Variants in EOGT observed in about 807,000 individuals in gnomAD.
EOGT encodes the protein EGF domain-specific O-linked N-acetylglucosamine transferase.
A neutral mutation model predicts 70.5 loss-of-function variants in EOGT; 55 were observed. That is an observed-to-expected ratio of 0.78 (90% confidence interval 0.63 to 0.98). The LOEUF is 0.98. EOGT is among the 50% of genes least tolerant of loss of function. The probability of loss-of-function intolerance (pLI) is 0.00; values close to 1 mark genes in which losing one functional copy is unlikely to be tolerated. For synonymous variants in EOGT, 246 were observed against 217.1 expected (o/e 1.13, Z -1.17); for missense variants, 703 against 641.9 (o/e 1.10, Z -1.03).
In EOGT at chr3:68,988,331, T is replaced by C. The variant is rs2107218847; in HGVS notation, c.1047A>G (p.Val349=). ...TGLFRAFAQH[V]LHRLNITQEG... is the part of the protein sequence containing the mutation. ...CTTGTGTGATGTTTAGTCTGTGTAG[T>C]ACATGCTGGGCAAATGCCCTGAATA... The change falls in exon 13 of 18, where the codon GTA becomes GTG. Residue 349 remains valine (V), a synonymous_variant. Transcript: ENST00000383701. The C allele has an allele frequency of 6.5e-7, 1 of 1,536,100 alleles. No homozygotes were observed. Among genetic ancestry groups the C allele is most frequent in the East Asian group, 2.4e-5 (1 of 40,920 alleles).
chr3:68,987,377 A>G (rs1315629723), intron 14 of EOGT, 68 bp downstream of exon 14: 6 of 1,235,158 alleles, frequency 4.9e-6, no homozygotes, highest in Non-Finnish European at 7.0e-6. Context: ...TAATGTGAAA[A>G]AAAAAAAAAC....
At chr3:69,003,037 GGA>G (rs1415011805) in intron 8 of EOGT, among the ~76,000 whole-genome samples, 2 of 152,122 alleles carry the variant, frequency 1.3e-5, no homozygotes, top group Non-Finnish European at 2.9e-5. Context: ...AGGAGTAGCA[GGA>G]GAGTTTCTTT....
At chr3:68,987,786 G>T in intron 13 of EOGT, 1 of 487,278 alleles carries the variant, frequency 2.1e-6, no homozygotes. Context: ...ATGAACATTT[G>T]GGGAGGTGAG....
chr3:68,976,022 C>T lies in EOGT; in HGVS notation c.*1596G>A, dbSNP rs551406233. 1.3e-5 allele frequency: 2 copies of T among 152,188 alleles called. No individual in the cohort carries two copies. Among genetic ancestry groups the T allele is most frequent in the African/African-American group, 4.8e-5 (2 of 41,460 alleles). 9.4% of individuals were successfully genotyped at this position (152,188 alleles called of 1,614,324 possible). On this transcript the variant is annotated 3_prime_UTR_variant, in exon 18 of 18. Coordinates refer to ENST00000383701, the MANE Select transcript of EOGT (RefSeq NM_001278689.2). ...AAGTGTTAATAAAATGTAAACTTCA[C>T]ATTGTGCAGTAAAATAAATCCATGG...
At chr3:68,984,710 G>A (rs904604930) in intron 14 of EOGT, among the ~76,000 whole-genome samples, 2 of 152,082 alleles carry the variant, frequency 1.3e-5, no homozygotes, top group African/African-American at 4.8e-5. Context: ...TCGCCTTTGG[G>A]TGCCATCATC....
At chr3:68,995,272 T>C (rs1449656054) in intron 10 of EOGT, among the ~76,000 whole-genome samples, 1 of 152,128 alleles carries the variant, frequency 6.6e-6, no homozygotes, top group Non-Finnish European at 1.5e-5. Context: ...AACCCTTACT[T>C]AGCGCCATCC....
chr3:69,001,634 G>T lies in EOGT; in HGVS notation c.701C>A (p.Pro234Gln). 6.2e-7 allele frequency: 1 copy of T among 1,608,130 alleles called. No individual in the cohort carries two copies. The highest frequency in any genetic ancestry group is 8.5e-7 in the Non-Finnish European group (1 of 1,176,622). ...DAKCDIVIEKPTYFMKLDAGV... is the reference protein window; with the variant it reads ...DAKCDIVIEKQTYFMKLDAGV... ...TGCATCTAATTTCATGAAATATGTT[G>T]GTTTTTCAATGACAATGTCACATTT... Residue 234 changes from proline (P) to glutamine (Q), a missense_variant, in exon 9 of 18, where the codon CCA becomes CAA. Pro to Gln is a moderately conservative substitution (Grantham distance 76). Transcript: ENST00000383701.
intron 15 of EOGT, among the ~76,000 whole-genome samples, chr3:68,981,259 C>T (rs755561793): frequency 4.6e-5 from 7 of 152,202 alleles, no homozygotes; most frequent in Non-Finnish European, 8.8e-5. Flanking sequence ...AAGACCAGGG[C>T]TATGCCATCC....
At chr3:69,001,090 G>T (rs1045967633) in intron 9 of EOGT, among the ~76,000 whole-genome samples, 1 of 151,980 alleles carries the variant, frequency 6.6e-6, no homozygotes, top group East Asian at 1.9e-4. Flanking sequence ...CCGAGTAGCT[G>T]GGACTATAGG....
At chr3:69,003,050 G>C (rs2091341460) in intron 8 of EOGT, among the ~76,000 whole-genome samples, 1 of 152,016 alleles carries the variant, frequency 6.6e-6, no homozygotes, top group African/African-American at 2.4e-5. Context: ...GAGTTTCTTT[G>C]GGATGATGGA....
At chr3:68,988,425 A>G (rs1409908484) in intron 12 of EOGT, 44 bp from the exon 13 acceptor site, 2 of 1,495,310 alleles carry the variant, frequency 1.3e-6, no homozygotes, top group Non-Finnish European at 1.8e-6. Flanking sequence ...ATACTTCTGT[A>G]TTATAATTTA....
rs1378760404 is a variant in EOGT, at chr3:68,988,316, G to A, written c.1062C>T (p.Asn354=). ...AFAQHVLHRL[N]ITQEGPKDGK... ...TTACCTTAGGTCCTTCTTGTGTGAT[G>A]TTTAGTCTGTGTAGTACATGCTGGG... Residue 354 remains asparagine (N), a synonymous_variant, in exon 13 of 18, where the codon AAC becomes AAT. Transcript: ENST00000383701. 100 of 1,535,660 alleles carry A rather than the reference G, an allele frequency of 6.5e-5. 1 individual carries two copies. The East Asian group carries it at 2.3e-3, about 35-fold the overall frequency.
chr3:68,993,206 C>G (rs569512238), intron 10 of EOGT, among the ~76,000 whole-genome samples: 1 of 152,198 alleles, frequency 6.6e-6, no homozygotes, highest in Non-Finnish European at 1.5e-5. Flanking sequence ...ATTGCACAAT[C>G]AGGCTGCAAA....
At chr3:68,991,865 G>T (rs929819314) in intron 10 of EOGT, among the ~76,000 whole-genome samples, 1 of 152,156 alleles carries the variant, frequency 6.6e-6, no homozygotes, top group Non-Finnish European at 1.5e-5. Flanking sequence ...GGCGGGAGGT[G>T]AAAGACACTT....
At chr3:68,994,600 T>C (rs1277596778) in intron 10 of EOGT, among the ~76,000 whole-genome samples, 1 of 152,168 alleles carries the variant, frequency 6.6e-6, no homozygotes, top group Non-Finnish European at 1.5e-5. Flanking sequence ...GAAACCAGCC[T>C]GGTCAACATG....
chr3:68,976,415 G>C lies in EOGT; in HGVS notation c.*1203C>G, dbSNP rs2090473525. On this transcript the variant is annotated 3_prime_UTR_variant, in exon 18 of 18. Transcript: ENST00000383701. Reference sequence around the variant, plus strand: ...CTCCATGGCTAAGAAGGAATCAGTGGAAACCAGACAGAAGGTATGCAAGAC... The same window carrying C: ...CTCCATGGCTAAGAAGGAATCAGTGCAAACCAGACAGAAGGTATGCAAGAC... The C allele has an allele frequency of 6.6e-6, 1 of 152,168 alleles. No homozygotes were observed. Among genetic ancestry groups the C allele is most frequent in the Non-Finnish European group, 1.5e-5 (1 of 68,030 alleles). 9.4% of individuals were successfully genotyped at this position (152,168 alleles called of 1,614,324 possible).
chr3:69,000,169 T>A (rs1222044767), intron 9 of EOGT, among the ~76,000 whole-genome samples: 6 of 152,156 alleles, frequency 3.9e-5, no homozygotes, highest in Non-Finnish European at 7.4e-5. Flanking sequence ...GAGGCTGCAA[T>A]GAGCTGTGAT....
At chr3:68,989,080 A>C in intron 10 of EOGT, 63 bp from the exon 11 acceptor site, 1 of 877,058 alleles carries the variant, frequency 1.1e-6, no homozygotes, top group East Asian at 2.8e-5. Context: ...CTTTTCAAAG[A>C]TGCAACAAAA....
chr3:68,997,277 A>G (rs1172597510), intron 10 of EOGT, among the ~76,000 whole-genome samples: 1 of 152,242 alleles, frequency 6.6e-6, no homozygotes, highest in African/African-American at 2.4e-5. Flanking sequence ...GGAAGCTGCT[A>G]TTAAGCAAAG....
Sources: gnomAD v4.1 joint callset for allele counts (sites outside exome capture counted in the v4.1 genomes callset) on GRCh38, gnomAD v4.1.1 for gene constraint, MANE v1.5 for transcripts, NCBI Gene and HGNC (gene_info 2026-07-23, HGNC 2026-07-21) for gene names.